Variants in SCN4A observed in about 807,000 individuals in gnomAD.
The protein encoded by SCN4A is sodium voltage-gated channel alpha subunit 4.
In SCN4A, 83 loss-of-function variants were observed where a neutral mutation model predicts 162.0. The ratio of observed to expected loss-of-function variants is 0.51; its 90% CI spans 0.43 to 0.61. The LOEUF (loss-of-function observed/expected upper bound fraction) is 0.61, where lower values mean the gene tolerates loss of function less well. Ranked by LOEUF, SCN4A falls within the 20% of genes least tolerant of loss-of-function variation. The probability of loss-of-function intolerance (pLI) is 0.00; values close to 1 mark genes in which losing one functional copy is unlikely to be tolerated. For missense variants in SCN4A, 2,196 were observed against 2,462.5 expected, an observed-to-expected ratio of 0.89 and a Z score of 2.29; for synonymous variants, 944 against 985.1, an observed-to-expected ratio of 0.96 and a Z score of 0.78.
At position 63,950,142 on chromosome 17, in the gene SCN4A, A is replaced by C. The variant is rs1391172175; in HGVS notation, c.2854-614T>G. ...CCACCTCCTCCTGCTGGGCCAGGCCAGCTTCCCGGCCCCAGACTCCACCCG... is the reference window on the plus strand; with the variant it reads ...CCACCTCCTCCTGCTGGGCCAGGCCCGCTTCCCGGCCCCAGACTCCACCCG... On this transcript the variant is annotated intron_variant, in intron 14 of 23. Coordinates refer to ENST00000435607, the MANE Select transcript of SCN4A (RefSeq NM_000334.4). The surrounding 1 kb of genome is among the most constrained non-coding windows in gnomAD (Gnocchi z 4.6). 6.6e-6 allele frequency among the ~76,000 whole-genome samples: 1 copy of C among 152,086 alleles called. No individual in the cohort carries two copies. The highest frequency in any genetic ancestry group is 1.5e-5 in the Non-Finnish European group (1 of 67,994).
intron 6 of SCN4A, 145 bp downstream of exon 6, chr17:63,967,876 TGA>T: frequency 1.5e-6 from 1 of 688,426 alleles, no homozygotes; most frequent in East Asian, 2.6e-5. Flanking sequence ...GAGGTTGTAG[TGA>T]GCTGAGATGG....
Position 63,957,317 on chromosome 17 carries a change from G to A in SCN4A, c.2221C>T (p.Arg741Cys), listed in dbSNP as rs1472308847. Residue 741 changes from arginine (R) to cysteine (C), a missense_variant, in exon 13 of 24, where the codon CGC (arginine) becomes TGC (cysteine). By Grantham distance (180) the Arg-to-Cys change is radical (BLOSUM62 -3). Coordinates refer to ENST00000435607, the MANE Select transcript of SCN4A (RefSeq NM_000334.4). ...TGGAAGAAATCATGCATGTGCCAGC[G>A]CGGCAGGTTGCAGTCCAAGGCAATC... ...CKIALDCNLP[R>C]WHMHDFFHSF... 14 of 1,614,036 alleles carry A rather than the reference G, an allele frequency of 8.7e-6. No individual in the cohort carries two copies. The highest frequency in any genetic ancestry group is 2.2e-5 in the South Asian group (2 of 91,086).
At chr17:63,943,169 G>T in intron 22 of SCN4A, 73 bp from the exon 23 acceptor site, 2 of 1,434,770 alleles carry the variant, frequency 1.4e-6, no homozygotes, top group Non-Finnish European at 1.9e-6. Flanking sequence ...ACAGGCAGGA[G>T]GCACAGGATG....
In SCN4A at chr17:63,966,098, G is replaced by A. The variant is rs780174183; in HGVS notation, c.1242+4C>T. On this transcript the variant is annotated splice_donor_region_variant and intron_variant, in intron 8 of 23. Transcript: ENST00000435607. ...GTTGGGGGGCAGGGTGGGGGCAGCT[G>A]TACCAGCTGGAAGAGGTTCTCCCAA... is the stretch of plus-strand genomic sequence containing the variant. 1 of 1,575,680 alleles carries A rather than the reference G, an allele frequency of 6.3e-7. No homozygotes were observed. Among genetic ancestry groups the A allele is most frequent in the Non-Finnish European group, 8.6e-7 (1 of 1,160,634 alleles).
In SCN4A at chr17:63,967,983, G is replaced by A. The variant is rs200523205; in HGVS notation, c.1036+40C>T. The A allele has an allele frequency of 5.1e-6, 8 of 1,553,510 alleles. No individual in the cohort carries two copies. In the South Asian group the frequency reaches 8.9e-5, roughly 17 times the overall value. ...GAGTCAGAGGCTACCCTAGGGACTG[G>A]GACAGGATCCCCCTTGCCCGTCACC... On this transcript the variant is annotated intron_variant, in intron 6 of 23. Transcript: ENST00000435607.
intron 4 of SCN4A, 139 bp from the exon 5 acceptor site, chr17:63,971,392 AC>A: frequency 3.0e-6 from 2 of 657,504 alleles, no homozygotes; most frequent in Non-Finnish European, 5.5e-6. Flanking sequence ...CAGGGCAGAC[AC>A]CCCCAAAGCT....
At position 63,943,754 on chromosome 17, in the gene SCN4A, G is replaced by A. The variant is rs779717594; in HGVS notation, c.4009C>T (p.Arg1337Trp). The A allele has an allele frequency of 8.1e-6, 13 of 1,605,298 alleles. No homozygotes were observed. Among genetic ancestry groups the A allele is most frequent in the African/African-American group, 1.3e-5 (1 of 74,714 alleles). ...GSKKPQKPIP[R>W]PQNKIQGMVY... is the part of the protein sequence containing the mutation. Reference sequence around the variant, plus strand: ...GGCCCAGAGGTCTGTACCTGGGGCCGGGGAATTGGCTTCTGAGGCTTCTTG... The same window carrying A: ...GGCCCAGAGGTCTGTACCTGGGGCCAGGGAATTGGCTTCTGAGGCTTCTTG... Residue 1337 changes from arginine to tryptophan, a missense_variant, in exon 22 of 24, where the codon CGG (arginine) becomes TGG (tryptophan). Transcript: ENST00000435607.
rs751197121 is a variant in SCN4A, at chr17:63,948,604, T to C, written c.3144+7A>G. On this transcript the variant is annotated splice_region_variant and intron_variant, in intron 16 of 23. Coordinates refer to ENST00000435607, the MANE Select transcript of SCN4A (RefSeq NM_000334.4). ...GCCCCTGACCCGTGCTCCCAGGCAGTGCCTACCAGAGCCCCACTGCTGAGC... is the reference window on the plus strand; with the variant it reads ...GCCCCTGACCCGTGCTCCCAGGCAGCGCCTACCAGAGCCCCACTGCTGAGC... 1 of 1,612,264 alleles carries C rather than the reference T, an allele frequency of 6.2e-7. No homozygotes were observed. The highest frequency in any genetic ancestry group is 1.1e-5 in the South Asian group (1 of 90,936).
chr17:63,942,070 AG>A, intron 23 of SCN4A, 77 bp from the exon 24 acceptor site: 9 of 1,364,034 alleles, frequency 6.6e-6, no homozygotes, highest in Non-Finnish European at 7.9e-6. Flanking sequence ...TGCGGGGCTC[AG>A]GGGGCCCGGC....
intron 23 of SCN4A, 62 bp from the exon 24 acceptor site, chr17:63,942,055 G>A (rs1908557598): frequency 6.8e-7 from 1 of 1,471,062 alleles, no homozygotes; most frequent in South Asian, 1.4e-5. Flanking sequence ...AGGGTGTGGG[G>A]AGCATGCGGG....
chr17:63,940,302 C>T lies in SCN4A; in HGVS notation c.*469G>A, dbSNP rs1449907641. On this transcript the variant is annotated 3_prime_UTR_variant, in exon 24 of 24. Transcript: ENST00000435607. ...CCCTGGGGTTAGGTGTCTGCACTCC[C>T]TGAGGTTAAGACATCTTTGTCTGGG... 1 of 159,704 alleles carries T rather than the reference C, an allele frequency of 6.3e-6. No individual in the cohort carries two copies. The highest frequency in any genetic ancestry group is 1.4e-5 in the Non-Finnish European group (1 of 73,640). 9.9% of individuals were successfully genotyped at this position (159,704 alleles called of 1,614,324 possible).
intron 10 of SCN4A, among the ~76,000 whole-genome samples, chr17:63,962,984 AACC>A (rs1909314842): frequency 6.6e-6 from 1 of 152,136 alleles, no homozygotes; most frequent in Non-Finnish European, 1.5e-5. Context: ...CTGGGGAGGG[AACC>A]ACATCTCTGT....
At chr17:63,966,031 G>A in intron 8 of SCN4A, 71 bp downstream of exon 8, 1 of 1,211,340 alleles carries the variant, frequency 8.3e-7, no homozygotes, top group Non-Finnish European at 1.2e-6. Flanking sequence ...GCCCCATCAG[G>A]CCCTGAAGAG....
chr17:63,954,440 CA>C, intron 13 of SCN4A, among the ~76,000 whole-genome samples: 1 of 152,116 alleles, frequency 6.6e-6, no homozygotes, highest in Admixed American at 6.5e-5. Flanking sequence ...TCTGGGTCAG[CA>C]GGGTTTGCAC....
chr17:63,972,111 G>T lies in SCN4A; in HGVS notation c.482+25C>A. On this transcript the variant is annotated intron_variant, in intron 3 of 23. Transcript: ENST00000435607. The surrounding 1 kb of genome is among the most constrained non-coding windows in gnomAD (Gnocchi z 4.3). ...AGATGGGCTGTGTCCCAGGGCTGGG[G>T]AGCTCAGGGAGCAGGGAGACTTACT... is the stretch of plus-strand genomic sequence containing the variant. 2 of 1,556,600 alleles carry T rather than the reference G, an allele frequency of 1.3e-6. No homozygotes were observed. The highest frequency in any genetic ancestry group is 1.8e-6 in the Non-Finnish European group (2 of 1,131,086).
In SCN4A at chr17:63,966,254, G is replaced by A. The variant is rs577266571; in HGVS notation, c.1101-11C>T. 2 of 1,600,868 alleles carry A rather than the reference G, an allele frequency of 1.2e-6. No individual in the cohort carries two copies. Among genetic ancestry groups the A allele is most frequent in the Admixed American group, 1.7e-5 (1 of 58,008 alleles). ...CCCTCAGGGCAGTGCCTAGGAATAG[G>A]ACAGGGGGCTGGGTTTAGGGTGGGA... On this transcript the variant is annotated splice_polypyrimidine_tract_variant and intron_variant, in intron 7 of 23. Coordinates refer to ENST00000435607, the MANE Select transcript of SCN4A (RefSeq NM_000334.4).
In SCN4A at chr17:63,950,816, G is replaced by A. The variant is rs1282932135; in HGVS notation, c.2853+608C>T. On this transcript the variant is annotated intron_variant, in intron 14 of 23. Transcript: ENST00000435607. The surrounding 1 kb of genome is among the most constrained non-coding windows in gnomAD (Gnocchi z 4.6). ...TTCCTCGACCTCGCAGTGGAGGGGT[G>A]GGGAGGGGCATCTGAGCCCAGCAGC... 6.6e-6 allele frequency among the ~76,000 whole-genome samples: 1 copy of A among 152,206 alleles called. No individual in the cohort carries two copies. Among genetic ancestry groups the A allele is most frequent in the Non-Finnish European group, 1.5e-5 (1 of 68,036 alleles).
rs372631097 is a variant in SCN4A, at chr17:63,964,566, C to T, written c.1354G>A (p.Glu452Lys). Reference sequence around the variant, plus strand: ...TCGGCCAGGGTGGCCTCATTCTGCTCGGCATATGCCATGGCCACCACGGCC... The same window carrying T: ...TCGGCCAGGGTGGCCTCATTCTGCTTGGCATATGCCATGGCCACCACGGCC... ...ILAVVAMAYA[E>K]QNEATLAEDK... The change falls in exon 9 of 24, where the codon GAG (glutamate) becomes AAG (lysine). Residue 452 changes from glutamate (E) to lysine (K), a missense_variant. Coordinates refer to ENST00000435607, the MANE Select transcript of SCN4A (RefSeq NM_000334.4). The T allele has an allele frequency of 8.6e-5, 138 of 1,613,868 alleles. No homozygotes were observed. The highest frequency in any genetic ancestry group is 1.0e-4 in the Non-Finnish European group (121 of 1,179,880).
At chr17:63,963,907 A>G in intron 9 of SCN4A, 82 bp from the exon 10 acceptor site, 11 of 1,348,064 alleles carry the variant, frequency 8.2e-6, no homozygotes, top group Middle Eastern at 1.9e-4. Flanking sequence ...AGCTTCTTCC[A>G]GAGTCCTTCA....
Sources: gnomAD v4.1 joint callset for allele counts (sites outside exome capture counted in the v4.1 genomes callset) on GRCh38, gnomAD v4.1.1 for gene constraint, Gnocchi (gnomAD v3.1) non-coding constraint, MANE v1.5 for transcripts, NCBI Gene and HGNC (gene_info 2026-07-23, HGNC 2026-07-21) for gene names.